Variants in HDX observed in about 807,000 individuals in gnomAD.
HDX encodes highly divergent homeobox.
A neutral mutation model predicts 45.2 loss-of-function variants in HDX; 19 were observed. That is an observed-to-expected ratio of 0.42 (90% CI 0.29 to 0.62). The LOEUF is 0.62. HDX is among the 20% of genes least tolerant of loss of function. The probability of loss-of-function intolerance (pLI) is 0.20; values close to 1 mark genes in which losing one functional copy is unlikely to be tolerated. For missense variants in HDX, 532 were observed against 493.9 expected (o/e 1.08, Z -0.73); for synonymous variants, 188 against 172.8 (o/e 1.09, Z -0.69).
chrX:84,461,541 A>G (rs1319321576), intron 4 of HDX, among the ~76,000 whole-genome samples: 2 of 111,539 alleles, frequency 1.8e-5, no homozygotes, highest in African/African-American at 6.5e-5. Context: ...AACAAATCTA[A>G]GACCAGAAAC....
At chrX:84,484,860 G>C (rs915399909) in intron 2 of HDX, among the ~76,000 whole-genome samples, 4 of 111,226 alleles carry the variant, frequency 3.6e-5, no homozygotes, top group Non-Finnish European at 5.7e-5. Flanking sequence ...CTAGTTCCTT[G>C]AAATGGAAGC....
intron 4 of HDX, 122 bp downstream of exon 4, chrX:84,468,350 C>T: frequency 9.4e-6 from 4 of 427,683 alleles, no homozygotes; most frequent in Non-Finnish European, 1.6e-5. Flanking sequence ...TAACCCCAAA[C>T]CACCACTTTG....
intron 5 of HDX, among the ~76,000 whole-genome samples, chrX:84,404,204 A>T (rs2038766579): frequency 8.9e-6 from 1 of 111,990 alleles, no homozygotes; most frequent in Non-Finnish European, 1.9e-5. Context: ...ACAAGAATTG[A>T]TTGATTTAGA....
rs1294382551 is a variant in HDX at position 84,396,285 on chromosome X, T to TCAAATACA, written c.1306-34674_1306-34673insTGTATTTG. 1.7e-4 allele frequency among the ~76,000 whole-genome samples: 19 copies of TCAAATACA among 112,516 alleles called. No individual in the cohort carries two copies. The East Asian group carries it at 4.5e-3, about 27-fold the overall frequency. Reference sequence around the variant, plus strand: ...CACTTTGGTTTTGATTCTGGGTGCATGCAGTAGAATACTCGCTGTATGATT... The same window carrying TCAAATACA: ...CACTTTGGTTTTGATTCTGGGTGCATCAAATACAGCAGTAGAATACTCGCTGTATGATT... On this transcript the variant is annotated intron_variant, in intron 5 of 10. Coordinates refer to ENST00000373177, the MANE Select transcript of HDX (RefSeq NM_001177479.2).
intron 7 of HDX, among the ~76,000 whole-genome samples, chrX:84,343,118 G>C (rs1020945927): frequency 9.0e-6 from 1 of 111,169 alleles, no homozygotes; most frequent in Non-Finnish European, 1.9e-5. Context: ...TTGAGAGTGG[G>C]AAGAGGGAGT....
chrX:84,499,109 T>C (rs1174848620), intron 1 of HDX, among the ~76,000 whole-genome samples: 1 of 112,060 alleles, frequency 8.9e-6, no homozygotes, highest in Non-Finnish European at 1.9e-5. Flanking sequence ...TGTAATAAGA[T>C]ATATAAAGTT....
chrX:84,476,738 A>T (rs1330981784), intron 2 of HDX, among the ~76,000 whole-genome samples: 3 of 111,571 alleles, frequency 2.7e-5, no homozygotes, highest in Non-Finnish European at 5.6e-5. Flanking sequence ...ATACTTTAAA[A>T]AATAAAGCTC....
chrX:84,373,581 C>G (rs2037956115), intron 5 of HDX, among the ~76,000 whole-genome samples: 1 of 110,442 alleles, frequency 9.1e-6, no homozygotes, highest in African/African-American at 3.3e-5. Flanking sequence ...GGGCTTCATC[C>G]CTGGGATGAA....
intron 6 of HDX, among the ~76,000 whole-genome samples, chrX:84,346,377 ATAATTC>A (rs1384869112): frequency 3.6e-5 from 4 of 111,789 alleles, no homozygotes; most frequent in Non-Finnish European, 7.5e-5. Context: ...TACATATGAG[ATAATTC>A]TAAAATTCAC....
intron 9 of HDX, among the ~76,000 whole-genome samples, chrX:84,331,115 C>A (rs1462473738): frequency 9.0e-5 from 10 of 111,480 alleles, no homozygotes; most frequent in Admixed American, 8.6e-4. Context: ...TTAATGACTG[C>A]CAAGTCTGAG....
chrX:84,333,941 T>C, intron 8 of HDX, 99 bp from the exon 9 acceptor site: 1 of 385,788 alleles, frequency 2.6e-6, no homozygotes, highest in South Asian at 4.3e-5. Context: ...GGTTATCTAG[T>C]CTAGGTTATC....
chrX:84,397,284 A>G (rs1392203867), intron 5 of HDX, among the ~76,000 whole-genome samples: 3 of 111,593 alleles, frequency 2.7e-5, no homozygotes, highest in Non-Finnish European at 5.7e-5. Context: ...GTGGAGATGA[A>G]GGTACTGTTG....
At chrX:84,322,670 T>G (rs1387938918) in intron 10 of HDX, among the ~76,000 whole-genome samples, 1 of 110,743 alleles carries the variant, frequency 9.0e-6, no homozygotes, top group African/African-American at 3.3e-5. Context: ...GCTTGAGTAA[T>G]AAGGATAATC....
chrX:84,397,181 A>G (rs1193778232), intron 5 of HDX, among the ~76,000 whole-genome samples: 1 of 112,024 alleles, frequency 8.9e-6, no homozygotes, highest in African/African-American at 3.2e-5. Context: ...GAGGCAGTGG[A>G]GTCACTGCCT....
chrX:84,468,450 A>G (rs1194127001), intron 4 of HDX, 22 bp downstream of exon 4: 2 of 1,022,267 alleles, frequency 2.0e-6, no homozygotes, highest in Middle Eastern at 3.0e-4. Flanking sequence ...TAAAACCTTT[A>G]TAAAATAAAT....
chrX:84,379,452 A>T (rs755171301), intron 5 of HDX, among the ~76,000 whole-genome samples: 1 of 111,141 alleles, frequency 9.0e-6, no homozygotes, highest in South Asian at 3.7e-4. Flanking sequence ...CAGCACATGG[A>T]TCATTTTCAA....
chrX:84,336,178 G>T (rs1032672355), intron 8 of HDX, among the ~76,000 whole-genome samples: 28 of 111,127 alleles, frequency 2.5e-4, no homozygotes, highest in African/African-American at 9.1e-4. Flanking sequence ...TGCTAAAACA[G>T]CTGCATAGGG....
intron 5 of HDX, among the ~76,000 whole-genome samples, chrX:84,412,029 A>G (rs1351227692): frequency 9.0e-6 from 1 of 111,533 alleles, no homozygotes; most frequent in African/African-American, 3.3e-5. Context: ...ATTTTTATCC[A>G]TCCCTTTTCT....
intron 3 of HDX, among the ~76,000 whole-genome samples, chrX:84,473,685 C>G (rs2040493054): frequency 9.1e-6 from 1 of 109,439 alleles, no homozygotes; most frequent in African/African-American, 3.3e-5. Flanking sequence ...AATAACACAT[C>G]GGAAATATGA....
Sources: allele counts gnomAD v4.1 joint callset (sites outside exome capture counted in the v4.1 genomes callset), GRCh38; gene constraint gnomAD v4.1.1; transcripts MANE v1.5; gene names NCBI Gene and HGNC (gene_info 2026-07-23, HGNC 2026-07-21).